The following APC variants were observed in gnomAD, a reference collection of about 807,000 sequenced individuals.
APC encodes adenomatous polyposis coli protein.
In APC, 72 loss-of-function variants were observed where a neutral mutation model predicts 247.0. That is an observed-to-expected ratio of 0.29 (90% confidence interval 0.24 to 0.35). APC has a LOEUF of 0.35. APC is among the 10% of genes least tolerant of loss of function. The pLI is 1.00. For synonymous variants in APC, 1,254 were observed against 1,162.5 expected (o/e 1.08, Z -1.60); for missense variants, 3,400 against 3,360.7 (o/e 1.01, Z -0.29).
At chr5:112,757,952 A>G (rs1446130874) in intron 2 of APC, among the ~76,000 whole-genome samples, 2 of 152,220 alleles carry the variant, frequency 1.3e-5, no homozygotes, top group Admixed American at 1.3e-4. Context: ...CCTTGTTTAA[A>G]TATACATATT....
At chr5:112,787,114 C>T (rs2149666778) in intron 6 of APC, among the ~76,000 whole-genome samples, 1 of 152,254 alleles carries the variant, frequency 6.6e-6, no homozygotes, top group Middle Eastern at 3.4e-3. Flanking sequence ...CCTCGAACTC[C>T]TGACCTCAGG....
rs752775112 is a variant in APC, at chr5:112,707,997, A to G, written c.165+115A>G. Reference sequence around the variant, plus strand: ...CCGACTCTGTGGCTCTCTTCTCTCCATGTCTCACCCTCTCCCCTCCCCGCA... The same window carrying G: ...CCGACTCTGTGGCTCTCTTCTCTCCGTGTCTCACCCTCTCCCCTCCCCGCA... On this transcript the variant is annotated intron_variant, in intron 1 of 13. Transcript: ENST00000507379. 55 of 1,079,992 alleles carry G rather than the reference A, an allele frequency of 5.1e-5. No individual in the cohort carries two copies. The African/African-American group carries it at 5.5e-4, about 11-fold the overall frequency. The allele number at this position is 1,079,992 out of a possible 1,614,324, so 66.9% of individuals were successfully genotyped here. A position where few individuals can be genotyped will look rare whatever the true frequency, so the allele number is the denominator to read the frequency against.
At chr5:112,750,442 A>G (rs1320857251) in intron 1 of APC, among the ~76,000 whole-genome samples, 2 of 151,732 alleles carry the variant, frequency 1.3e-5, no homozygotes, top group African/African-American at 2.4e-5. Context: ...ATGAGGCATT[A>G]GTGATGAGCA....
chr5:112,793,841 A>G (rs561575020), intron 7 of APC, among the ~76,000 whole-genome samples: 2 of 152,202 alleles, frequency 1.3e-5, no homozygotes, highest in Non-Finnish European at 2.9e-5. Flanking sequence ...ACTAAGACAC[A>G]TCATGAGGAA....
chr5:112,754,831 A>T (rs536005255), intron 1 of APC, 42 bp from the exon 2 acceptor site: 7 of 1,603,852 alleles, frequency 4.4e-6, no homozygotes, highest in Non-Finnish European at 6.0e-6. Flanking sequence ...CAGCCACTAA[A>T]TTTTTTAGTA....
upstream of APC, among the ~76,000 whole-genome samples, chr5:112,733,325 G>C (rs2149674863): frequency 1.3e-5 from 2 of 152,310 alleles, no homozygotes; most frequent in South Asian, 4.1e-4. Flanking sequence ...AATGGCTAAT[G>C]AGGTAACTTT....
chr5:112,836,927 C>T (rs1280114273), intron 15 of APC, among the ~76,000 whole-genome samples: 1 of 152,030 alleles, frequency 6.6e-6, no homozygotes, highest in African/African-American at 2.4e-5. Flanking sequence ...TCTTGATCTC[C>T]TAATCTCAGG....
In APC at chr5:112,845,970, A is replaced by G. The variant is rs1448553658; in HGVS notation, c.*1844A>G. 3 of 231,968 alleles carry G rather than the reference A, an allele frequency of 1.3e-5. No homozygotes were observed. Among genetic ancestry groups the G allele is most frequent in the Non-Finnish European group, 2.6e-5 (3 of 117,398 alleles). 14.4% of individuals were successfully genotyped at this position (231,968 alleles called of 1,614,324 possible). On this transcript the variant is annotated 3_prime_UTR_variant, in exon 16 of 16. Coordinates refer to ENST00000257430, the MANE Select transcript of APC (RefSeq NM_000038.6). ...AATCACATCAAGTAGTTAATTATCT[A>G]CCCCTTACCTGTGTTTATAACTTCC...
chr5:112,837,721 C>T lies in APC; in HGVS notation c.2127C>T (p.Asn709=), dbSNP rs2149861241. Reference sequence around the variant, plus strand: ...TGGGGGCAGTTAGCATGCTCAAGAACCTCATTCATTCAAAGCACAAAATGA... The same window carrying T: ...TGGGGGCAGTTAGCATGCTCAAGAATCTCATTCATTCAAAGCACAAAATGA... The part of the protein sequence containing the change: ...WDMGAVSMLK[N]LIHSKHKMIA... Residue 709 remains asparagine (N), a synonymous_variant, in exon 16 of 16, where the codon AAC becomes AAT. Transcript: ENST00000257430. The T allele has an allele frequency of 1.9e-6, 3 of 1,614,096 alleles. No homozygotes were observed. The highest frequency in any genetic ancestry group is 2.5e-6 in the Non-Finnish European group (3 of 1,180,028).
chr5:112,839,137 A>G lies in APC; in HGVS notation c.3543A>G (p.Leu1181=), dbSNP rs746082418. ...RHVDQPIDYS[L]KYATDIPSSQ... ...TGGATCAGCCTATTGATTATAGTTT[A>G]AAATATGCCACAGATATTCCTTCAT... is the stretch of plus-strand genomic sequence containing the variant. Residue 1181 remains leucine (L), a synonymous_variant, in exon 16 of 16, where the codon TTA becomes TTG. Transcript: ENST00000257430. The surrounding 1 kb of genome is among the most constrained non-coding windows in gnomAD (Gnocchi z 5.0). 6 of 1,613,996 alleles carry G rather than the reference A, an allele frequency of 3.7e-6. No individual in the cohort carries two copies. In the East Asian group the frequency reaches 1.3e-4, roughly 36 times the overall value.
At chr5:112,828,208 A>AT (rs1001484133) in intron 13 of APC, among the ~76,000 whole-genome samples, 5 of 151,922 alleles carry the variant, frequency 3.3e-5, no homozygotes, top group African/African-American at 1.2e-4. Flanking sequence ...GAATTTTTGT[A>AT]TTTTTTATAG....
chr5:112,831,737 ATATTCTCTACT>A (rs888916235), intron 14 of APC, among the ~76,000 whole-genome samples: 17 of 152,104 alleles, frequency 1.1e-4, no homozygotes, highest in African/African-American at 4.1e-4. Flanking sequence ...TGTCTTCTAC[ATATTCTCTACT>A]GGATCCTTCT....
intron 1 of APC, among the ~76,000 whole-genome samples, chr5:112,747,188 GC>G (rs1190548957): frequency 6.6e-6 from 1 of 152,042 alleles, no homozygotes; most frequent in Non-Finnish European, 1.5e-5. Context: ...ATAGCCAAAA[GC>G]CTAGGGATAA....
rs147549623 is a variant in APC at position 112,843,108 on chromosome 5, G to A, written c.7514G>A (p.Arg2505Gln). ...THSSVQAGGWRKLPPNLSPTI... is the reference protein window; with the variant it reads ...THSSVQAGGWQKLPPNLSPTI... Reference sequence around the variant, plus strand: ...TCGTCTGTTCAGGCTGGTGGATGGCGAAAACTCCCACCTAATCTCAGTCCC... The same window carrying A: ...TCGTCTGTTCAGGCTGGTGGATGGCAAAAACTCCCACCTAATCTCAGTCCC... The change falls in exon 16 of 16, where the codon CGA becomes CAA. Residue 2505 changes from arginine (R) to glutamine (Q), a missense_variant. By Grantham distance (43) the Arg-to-Gln change is conservative (BLOSUM62 1). Coordinates refer to ENST00000257430, the MANE Select transcript of APC (RefSeq NM_000038.6). This position sits in a 1 kb window ranked among gnomAD's most constrained non-coding sequence, Gnocchi z 4.8. 1.3e-3 allele frequency: 2,060 copies of A among 1,613,984 alleles called. 6 individuals are homozygous for A. Among genetic ancestry groups the A allele is most frequent in the Non-Finnish European group, 1.6e-3 (1,896 of 1,179,898 alleles).
chr5:112,728,428 G>A (rs1000431051), intron 1 of APC, among the ~76,000 whole-genome samples: 2 of 152,074 alleles, frequency 1.3e-5, no homozygotes, highest in East Asian at 1.9e-4. Flanking sequence ...CACCGTGCCC[G>A]ACCAGTGTAT....
At chr5:112,814,512 A>G (rs1762298406) in intron 8 of APC, among the ~76,000 whole-genome samples, 1 of 152,194 alleles carries the variant, frequency 6.6e-6, no homozygotes. Context: ...TACTCAAGCC[A>G]GTTAATTTGA....
intron 1 of APC, among the ~76,000 whole-genome samples, chr5:112,747,409 A>G (rs1753810786): frequency 6.6e-6 from 1 of 152,234 alleles, no homozygotes; most frequent in Admixed American, 6.5e-5. Context: ...TGGAAAAGAA[A>G]TGGTTTGTTT....
At chr5:112,717,726 G>C (rs1001978462) in intron 1 of APC, among the ~76,000 whole-genome samples, 4 of 151,834 alleles carry the variant, frequency 2.6e-5, no homozygotes, top group African/African-American at 7.3e-5. Flanking sequence ...ATTAGGCATC[G>C]GATTCTTTGG....
At chr5:112,712,371 G>T (rs1750904751) in intron 1 of APC, among the ~76,000 whole-genome samples, 1 of 152,012 alleles carries the variant, frequency 6.6e-6, no homozygotes, top group Admixed American at 6.6e-5. Context: ...CACCTAGTGT[G>T]TGTGTGCACA....
Sources: allele counts gnomAD v4.1 joint callset (sites outside exome capture counted in the v4.1 genomes callset), GRCh38; gene constraint gnomAD v4.1.1; non-coding constraint Gnocchi (gnomAD v3.1); transcripts MANE v1.5; gene names NCBI Gene and HGNC (gene_info 2026-07-23, HGNC 2026-07-21).